The following PIP4K2A variants were observed in gnomAD, a reference collection of about 807,000 sequenced individuals.
PIP4K2A encodes the protein phosphatidylinositol 5-phosphate 4-kinase type-2 alpha.
Under a neutral mutation model 42.9 loss-of-function variants are expected in PIP4K2A, and 14 were observed. The ratio of observed to expected loss-of-function variants is 0.33; its 90% confidence interval spans 0.22 to 0.51. The LOEUF (loss-of-function observed/expected upper bound fraction) is 0.51, where lower values mean the gene tolerates loss of function less well. PIP4K2A is among the 20% of genes least tolerant of loss of function. PIP4K2A has a pLI of 0.97. For missense variants in PIP4K2A, 434 were observed against 519.8 expected (o/e 0.83, Z 1.61); for synonymous variants, 192 against 192.2 (o/e 1.00, Z 0.01).
chr10:22,613,436 G>C (rs1373741266), intron 1 of PIP4K2A, among the ~76,000 whole-genome samples: 1 of 152,142 alleles, frequency 6.6e-6, no homozygotes, highest in Non-Finnish European at 1.5e-5. Context: ...GCTCTGAGGA[G>C]GGAAGCGACT....
At chr10:22,649,270 TATA>T (rs2130807944) in intron 1 of PIP4K2A, among the ~76,000 whole-genome samples, 1 of 152,382 alleles carries the variant, frequency 6.6e-6, no homozygotes, top group Non-Finnish European at 1.5e-5. Flanking sequence ...CAGATGGGTC[TATA>T]ATGTCTGTTT....
chr10:22,628,132 C>T (rs1489415755), intron 1 of PIP4K2A, among the ~76,000 whole-genome samples: 3 of 146,812 alleles, frequency 2.0e-5, no homozygotes, highest in Non-Finnish European at 4.5e-5. Context: ...AGCTACAATG[C>T]CAATGATTAA....
chr10:22,546,416 T>C (rs1368471711), intron 7 of PIP4K2A, among the ~76,000 whole-genome samples: 1 of 152,064 alleles, frequency 6.6e-6, no homozygotes, highest in East Asian at 1.9e-4. Context: ...CTTCAAAACG[T>C]TAAATTTCTT....
chr10:22,538,573 G>A (rs1836000034), intron 9 of PIP4K2A, among the ~76,000 whole-genome samples: 1 of 152,202 alleles, frequency 6.6e-6, no homozygotes, highest in Non-Finnish European at 1.5e-5. Context: ...GTCAAACGAG[G>A]ATTCCTCGCC....
intron 4 of PIP4K2A, among the ~76,000 whole-genome samples, chr10:22,574,934 T>C (rs563381453): frequency 1.3e-3 from 197 of 152,242 alleles, no homozygotes; most frequent in Non-Finnish European, 9.9e-4. Flanking sequence ...CCTTCAAACA[T>C]GGAGACTGAG....
chr10:22,647,657 CTA>C (rs1178822892), intron 1 of PIP4K2A, among the ~76,000 whole-genome samples: 1 of 152,200 alleles, frequency 6.6e-6, no homozygotes, highest in Non-Finnish European at 1.5e-5. Flanking sequence ...TCCCAATCAG[CTA>C]TCACATCTTT....
At chr10:22,668,069 A>G (rs1839384283) in intron 1 of PIP4K2A, among the ~76,000 whole-genome samples, 2 of 152,084 alleles carry the variant, frequency 1.3e-5, no homozygotes, top group Admixed American at 1.3e-4. Flanking sequence ...CACCTGCCTT[A>G]GCCTCCTGAG....
At chr10:22,615,354 G>T (rs1430099287) in intron 1 of PIP4K2A, among the ~76,000 whole-genome samples, 1 of 152,196 alleles carries the variant, frequency 6.6e-6, no homozygotes, top group Non-Finnish European at 1.5e-5. Context: ...CTCTCAAAGT[G>T]TTGGAATCAC....
intron 1 of PIP4K2A, among the ~76,000 whole-genome samples, chr10:22,616,081 G>C (rs1329144292): frequency 6.6e-6 from 1 of 152,200 alleles, no homozygotes; most frequent in African/African-American, 2.4e-5. Context: ...ATAAAATAAA[G>C]CAGCTTTGTT....
At chr10:22,576,364 G>A (rs1217097966) in intron 4 of PIP4K2A, among the ~76,000 whole-genome samples, 3 of 152,148 alleles carry the variant, frequency 2.0e-5, no homozygotes, top group Non-Finnish European at 4.4e-5. Flanking sequence ...GAATCCTGGT[G>A]GATTCTCCCA....
At chr10:22,584,941 G>A (rs1224620360) in intron 4 of PIP4K2A, among the ~76,000 whole-genome samples, 2 of 152,116 alleles carry the variant, frequency 1.3e-5, no homozygotes, top group Admixed American at 6.5e-5. Context: ...CAGAACACAG[G>A]AGCTGCCCTG....
chr10:22,685,017 T>C, intron 1 of PIP4K2A, among the ~76,000 whole-genome samples: 1 of 152,202 alleles, frequency 6.6e-6, no homozygotes, highest in East Asian at 1.9e-4. Context: ...ACCGCATTAC[T>C]GGTGACACTC....
At chr10:22,655,632 C>T (rs1454890313) in intron 1 of PIP4K2A, among the ~76,000 whole-genome samples, 1 of 152,218 alleles carries the variant, frequency 6.6e-6, no homozygotes, top group Admixed American at 6.5e-5. Flanking sequence ...AACAATTCTG[C>T]AGCTCAGCGT....
intron 1 of PIP4K2A, among the ~76,000 whole-genome samples, chr10:22,613,893 TG>T (rs1354395878): frequency 6.6e-6 from 1 of 152,102 alleles, no homozygotes; most frequent in Non-Finnish European, 1.5e-5. Flanking sequence ...CACTTGGAAA[TG>T]GAAAGTCAGT....
chr10:22,684,921 T>C (rs1414530629), intron 1 of PIP4K2A, among the ~76,000 whole-genome samples: 1 of 152,200 alleles, frequency 6.6e-6, no homozygotes. Context: ...TTTGTGTTCC[T>C]GACCATTTCG....
intron 3 of PIP4K2A, among the ~76,000 whole-genome samples, chr10:22,596,577 T>C (rs1837640475): frequency 6.6e-6 from 1 of 152,194 alleles, no homozygotes; most frequent in African/African-American, 2.4e-5. Flanking sequence ...TTTGTTTTGT[T>C]GCAAAGGAAA....
intron 1 of PIP4K2A, among the ~76,000 whole-genome samples, chr10:22,697,190 T>C (rs932218414): frequency 6.6e-6 from 1 of 152,086 alleles, no homozygotes; most frequent in Non-Finnish European, 1.5e-5. Context: ...AAAATTGCAT[T>C]GCTTTTCCTT....
chr10:22,537,336 T>TTATATTTGAGTAGA, intron 9 of PIP4K2A, 55 bp from the exon 10 acceptor site: 1 of 1,339,906 alleles, frequency 7.5e-7, no homozygotes, highest in Non-Finnish European at 1.0e-6. Context: ...TTTCCCCAAA[T>TTATATTTGAGTAGA]TATTACTCAA....
intron 3 of PIP4K2A, among the ~76,000 whole-genome samples, chr10:22,600,762 G>A (rs1837744112): frequency 2.6e-5 from 4 of 152,140 alleles, no homozygotes; most frequent in Middle Eastern, 3.4e-3. Flanking sequence ...CTCTGACCCC[G>A]CCAGAGAGTT....
Sources: gnomAD v4.1 joint callset for allele counts (sites outside exome capture counted in the v4.1 genomes callset) on GRCh38, gnomAD v4.1.1 for gene constraint, MANE v1.5 for transcripts, NCBI Gene and HGNC (gene_info 2026-07-23, HGNC 2026-07-21) for gene names.